Variants in SEMA3A observed in about 807,000 individuals in gnomAD.
SEMA3A encodes semaphorin 3A.
A neutral mutation model predicts 97.9 loss-of-function variants in SEMA3A; 29 were observed. The observed-to-expected ratio is 0.30, with a 90% CI of 0.22 to 0.40. The LOEUF is 0.40. SEMA3A is among the 10% of genes least tolerant of loss of function. The probability of loss-of-function intolerance (pLI) is 1.00; values close to 1 mark genes in which losing one functional copy is unlikely to be tolerated. For synonymous variants in SEMA3A, 321 were observed against 323.7 expected (o/e 0.99, Z 0.09); for missense variants, 763 against 951.3 (o/e 0.80, Z 2.60).
At chr7:84,174,959 CTG>C (rs1429604157) in intron 1 of SEMA3A, among the ~76,000 whole-genome samples, 1 of 152,128 alleles carries the variant, frequency 6.6e-6, no homozygotes, top group Non-Finnish European at 1.5e-5. Context: ...TTTTAGGACT[CTG>C]TGATTTGACT....
chr7:84,178,020 T>C (rs1397748865), intron 1 of SEMA3A, among the ~76,000 whole-genome samples: 1 of 152,160 alleles, frequency 6.6e-6, no homozygotes, highest in Non-Finnish European at 1.5e-5. Flanking sequence ...ACAATTACTA[T>C]GTAATTCATC....
intron 1 of SEMA3A, among the ~76,000 whole-genome samples, chr7:84,456,039 C>T (rs1428298441): frequency 6.6e-6 from 1 of 151,836 alleles, no homozygotes; most frequent in Non-Finnish European, 1.5e-5. Flanking sequence ...TTATGTGATC[C>T]TTGGCAATTC....
At chr7:84,489,456 C>T (rs1806664028) in intron 1 of SEMA3A, among the ~76,000 whole-genome samples, 1 of 151,986 alleles carries the variant, frequency 6.6e-6, no homozygotes, top group Admixed American at 6.6e-5. Context: ...CTTCATTGGA[C>T]TGTAAGGATT....
intron 1 of SEMA3A, among the ~76,000 whole-genome samples, chr7:84,150,657 T>A (rs941012355): frequency 1.1e-4 from 16 of 151,806 alleles, no homozygotes; most frequent in Non-Finnish European, 2.2e-4. Context: ...GCAGTGAGGA[T>A]GGGGGAGGGG....
At chr7:84,157,153 C>T (rs1796869027) in intron 1 of SEMA3A, among the ~76,000 whole-genome samples, 1 of 152,142 alleles carries the variant, frequency 6.6e-6, no homozygotes, top group African/African-American at 2.4e-5. Context: ...AAAAGAAATA[C>T]TGATTATTAA....
chr7:84,251,410 G>A (rs540901982), intron 3 of SEMA3A, among the ~76,000 whole-genome samples: 2 of 152,238 alleles, frequency 1.3e-5, no homozygotes, highest in East Asian at 3.9e-4. Context: ...AAGTGGACAG[G>A]AGGACTTGAA....
At chr7:84,222,490 A>G (rs181681609) in intron 3 of SEMA3A, among the ~76,000 whole-genome samples, 3 of 151,902 alleles carry the variant, frequency 2.0e-5, no homozygotes, top group African/African-American at 7.2e-5. Context: ...AAAGAATGAC[A>G]ACATTTAAAA....
At chr7:84,320,700 A>G (rs941508220) in intron 2 of SEMA3A, among the ~76,000 whole-genome samples, 2 of 152,096 alleles carry the variant, frequency 1.3e-5, no homozygotes, top group African/African-American at 4.8e-5. Flanking sequence ...GTAAAAATAT[A>G]AACTATGTAC....
intron 3 of SEMA3A, among the ~76,000 whole-genome samples, chr7:84,206,622 T>C (rs562181239): frequency 6.6e-6 from 1 of 152,156 alleles, no homozygotes; most frequent in South Asian, 2.1e-4. Flanking sequence ...GCGTCCGGCC[T>C]TCCAAGATGG....
upstream of SEMA3A, chr7:84,195,589 T>C (rs1472859713): frequency 6.6e-6 from 1 of 152,100 alleles, no homozygotes; most frequent in Non-Finnish European, 1.5e-5. Context: ...AAGAAATTCC[T>C]ACTAAAGCCC....
At chr7:84,202,575 A>G (rs1798382232) in intron 3 of SEMA3A, among the ~76,000 whole-genome samples, 1 of 152,192 alleles carries the variant, frequency 6.6e-6, no homozygotes, top group Non-Finnish European at 1.5e-5. Flanking sequence ...TGCTTGCCAC[A>G]GTGTGCAATC....
chr7:84,323,764 A>G (rs1801709866), intron 2 of SEMA3A, among the ~76,000 whole-genome samples: 1 of 152,194 alleles, frequency 6.6e-6, no homozygotes, highest in African/African-American at 2.4e-5. Context: ...ACCATCATTC[A>G]AGGTTTATGC....
chr7:84,359,881 C>G (rs1293939575), intron 2 of SEMA3A, among the ~76,000 whole-genome samples: 1 of 151,742 alleles, frequency 6.6e-6, no homozygotes, highest in East Asian at 1.9e-4. Flanking sequence ...GTGTATGTGT[C>G]GAGGAATTTA....
chr7:84,014,189 T>C lies in SEMA3A; in HGVS notation c.810+20A>G. ...TATGGGAAAATGACATCCTTCTCAG[T>C]TTTTTTTTCTTTACCTCACCTTGCA... On this transcript the variant is annotated intron_variant, in intron 7 of 16. Coordinates refer to ENST00000265362, the MANE Select transcript of SEMA3A (RefSeq NM_006080.3). 1 of 1,574,394 alleles carries C rather than the reference T, an allele frequency of 6.4e-7. No individual in the cohort carries two copies. Among genetic ancestry groups the C allele is most frequent in the Non-Finnish European group, 8.6e-7 (1 of 1,161,434 alleles).
At chr7:84,318,922 G>T (rs1036054230) in intron 2 of SEMA3A, among the ~76,000 whole-genome samples, 1 of 152,248 alleles carries the variant, frequency 6.6e-6, no homozygotes, top group Non-Finnish European at 1.5e-5. Context: ...GGGACTTATT[G>T]TCTCCTAATA....
intron 4 of SEMA3A, among the ~76,000 whole-genome samples, chr7:84,091,327 AG>A (rs1414457637): frequency 5.9e-5 from 8 of 135,752 alleles, no homozygotes; most frequent in Non-Finnish European, 1.0e-4. Context: ...GAAGGAAGAG[AG>A]AGAGAGAAAG....
intron 4 of SEMA3A, among the ~76,000 whole-genome samples, chr7:84,074,466 T>C (rs1365802336): frequency 6.6e-6 from 1 of 152,124 alleles, no homozygotes; most frequent in Admixed American, 6.6e-5. Flanking sequence ...TTCTGCCTTG[T>C]TTATAATGTA....
At chr7:84,062,712 G>A (rs544574176) in intron 4 of SEMA3A, among the ~76,000 whole-genome samples, 34 of 152,318 alleles carry the variant, frequency 2.2e-4, no homozygotes, top group African/African-American at 7.7e-4. Flanking sequence ...CTTTTCCGGC[G>A]GGCTTAAAAA....
intron 1 of SEMA3A, among the ~76,000 whole-genome samples, chr7:84,407,654 C>T (rs1804135471): frequency 6.6e-6 from 1 of 151,694 alleles, no homozygotes; most frequent in Non-Finnish European, 1.5e-5. Context: ...TACTACAAGG[C>T]TACAGTAACC....
Sources: allele counts gnomAD v4.1 joint callset (sites outside exome capture counted in the v4.1 genomes callset), GRCh38; gene constraint gnomAD v4.1.1; transcripts MANE v1.5; gene names NCBI Gene and HGNC (gene_info 2026-07-23, HGNC 2026-07-21).